Variants in MAGI3 observed in about 807,000 individuals in gnomAD.
MAGI3 encodes membrane associated guanylate kinase, WW and PDZ domain containing 3, also known as membrane-associated guanylate kinase, WW and PDZ domain-containing protein 3.
In MAGI3, 43 loss-of-function variants were observed where a neutral mutation model predicts 121.8. The observed-to-expected ratio is 0.35, with a 90% CI of 0.28 to 0.46. The LOEUF is 0.46. Among genes scored for constraint, MAGI3 ranks in the 20% least tolerant of loss-of-function variants. The pLI, the probability that MAGI3 is intolerant of heterozygous loss-of-function variation, is 1.00. For synonymous variants in MAGI3, 553 were observed against 639.3 expected (o/e 0.86, Z 2.04); for missense variants, 1,547 against 1,797.3 (o/e 0.86, Z 2.52).
Position 113,395,087 on chromosome 1 carries a change from G to GTTTTTTTTTTTTTTTTTTTTTT in MAGI3, c.316+3746_316+3767dup, listed in dbSNP as rs139532433. Reference sequence around the variant, plus strand: ...TCTTATCTCTTGAATCTTTTTGTTAGTTTTTTTTTTTTTTTTTTTTTTTTT... The same window carrying GTTTTTTTTTTTTTTTTTTTTTT: ...TCTTATCTCTTGAATCTTTTTGTTAGTTTTTTTTTTTTTTTTTTTTTTTTTTTTTTTTTTTTTTTTTTTTTTT... On this transcript the variant is annotated intron_variant, in intron 1 of 20. Transcript: ENST00000307546. Among the ~76,000 whole-genome samples the GTTTTTTTTTTTTTTTTTTTTTT allele has an allele frequency of 1.2e-4, 4 of 33,238 alleles. 2 individuals carry two copies. The highest frequency in any genetic ancestry group is 2.0e-4 in the Non-Finnish European group (4 of 19,646). The allele number at this position is 33,238 out of a possible 152,430, so 21.8% of individuals were successfully genotyped here.
chr1:113,669,058 A>C (rs955492654), intron 16 of MAGI3, among the ~76,000 whole-genome samples: 2 of 152,226 alleles, frequency 1.3e-5, no homozygotes, highest in South Asian at 4.1e-4. Flanking sequence ...CCGATAAATT[A>C]TCTCTCTTGA....
intron 10 of MAGI3, 85 bp from the exon 11 acceptor site, chr1:113,643,658 G>T: frequency 7.7e-7 from 1 of 1,300,038 alleles, no homozygotes; most frequent in South Asian, 1.2e-5. Context: ...AAAAGTTGAA[G>T]CTAGTTTTAT....
At chr1:113,392,288 T>C (rs1317628796) in intron 1 of MAGI3, among the ~76,000 whole-genome samples, 3 of 152,148 alleles carry the variant, frequency 2.0e-5, no homozygotes. Flanking sequence ...GGAGAGAGAA[T>C]TGTGATTGTA....
intron 8 of MAGI3, among the ~76,000 whole-genome samples, chr1:113,621,729 A>C (rs937637327): frequency 6.6e-6 from 1 of 150,782 alleles, no homozygotes; most frequent in Non-Finnish European, 1.5e-5. Context: ...TTTTATCTTT[A>C]GTAAGTACAT....
rs373563774 is a variant in MAGI3, at chr1:113,646,606, G to T, written c.2119G>T (p.Val707Phe). Reference sequence around the variant, plus strand: ...ATCCCCAAAATTGGATCCTTCTGAGGTCTACCTGAAATCTAAGACTTTATA... The same window carrying T: ...ATCCCCAAAATTGGATCCTTCTGAGTTCTACCTGAAATCTAAGACTTTATA... Reference protein sequence around the residue: ...SGSPKLDPSEVYLKSKTLYED... With the variant: ...SGSPKLDPSEFYLKSKTLYED... Residue 707 changes from valine to phenylalanine, a missense_variant, in exon 12 of 21, where the codon GTC becomes TTC. Coordinates refer to ENST00000307546, the MANE Select transcript of MAGI3 (RefSeq NM_001142782.2). 6.2e-7 allele frequency: 1 copy of T among 1,610,032 alleles called. No individual in the cohort carries two copies. Among genetic ancestry groups the T allele is most frequent in the Non-Finnish European group, 8.5e-7 (1 of 1,178,160 alleles).
rs758500868 is a variant in MAGI3 at position 113,683,825 on chromosome 1, A to G, written c.4257A>G (p.Val1419=). 3.3e-5 allele frequency: 53 copies of G among 1,611,596 alleles called. No homozygotes were observed. Among genetic ancestry groups the G allele is most frequent in the African/African-American group, 1.7e-4 (13 of 74,990 alleles). The change falls in exon 21 of 21, where the codon GTA becomes GTG. Residue 1419 remains valine (V), a synonymous_variant. Coordinates refer to ENST00000307546, the MANE Select transcript of MAGI3 (RefSeq NM_001142782.2). ...KRLKQEPEEK[V]VSNKTEDHKG... ...TGAAGCAAGAACCTGAAGAGAAGGT[A>G]GTTTCAAACAAAACAGAAGATCACA...
At chr1:113,472,943 T>C (rs1226470775) in intron 1 of MAGI3, among the ~76,000 whole-genome samples, 2 of 152,238 alleles carry the variant, frequency 1.3e-5, no homozygotes, top group South Asian at 4.1e-4. Flanking sequence ...ATAGCTAAGT[T>C]GTTTTAATAC....
At chr1:113,432,481 T>C (rs922769572) in intron 1 of MAGI3, among the ~76,000 whole-genome samples, 5 of 152,174 alleles carry the variant, frequency 3.3e-5, no homozygotes, top group Non-Finnish European at 1.5e-5. Context: ...AAATTTTCAA[T>C]ATAAGGGCAT....
intron 17 of MAGI3, among the ~76,000 whole-genome samples, chr1:113,672,073 T>G (rs1647592241): frequency 6.6e-6 from 1 of 152,188 alleles, no homozygotes; most frequent in Admixed American, 6.5e-5. Context: ...TTATCCAATC[T>G]TGCCTGACAT....
In MAGI3 at chr1:113,422,776, CGGGGGGCATGTTTT is replaced by C. The variant is rs1230648292; in HGVS notation, c.316+31430_316+31443del. ...TGTGGCGAGTGGGGGAGGCATGTTTCGGGGGGCATGTTTTGGCCCAATTGTGTTATAGCTCTTTC... is the reference window on the plus strand; with the variant it reads ...TGTGGCGAGTGGGGGAGGCATGTTTCGGCCCAATTGTGTTATAGCTCTTTC... On this transcript the variant is annotated intron_variant, in intron 1 of 20. Transcript: ENST00000307546. This position sits in a 1 kb window ranked among gnomAD's most constrained non-coding sequence, Gnocchi z 4.3. Among the ~76,000 whole-genome samples, 2 of 152,092 alleles carry C rather than the reference CGGGGGGCATGTTTT, an allele frequency of 1.3e-5. No individual in the cohort carries two copies. The highest frequency in any genetic ancestry group is 2.9e-5 in the Non-Finnish European group (2 of 67,986).
chr1:113,407,207 G>A (rs1346234237), intron 1 of MAGI3, among the ~76,000 whole-genome samples: 3 of 152,110 alleles, frequency 2.0e-5, no homozygotes, highest in Non-Finnish European at 2.9e-5. Context: ...TGTGGAAGGA[G>A]GGCAAGAGTG....
At chr1:113,533,725 A>G (rs568235283) in intron 1 of MAGI3, among the ~76,000 whole-genome samples, 6 of 152,112 alleles carry the variant, frequency 3.9e-5, no homozygotes, top group Non-Finnish European at 8.8e-5. Flanking sequence ...CGTGTCTTTC[A>G]TCACAGAGTT....
chr1:113,510,510 T>C (rs139072163), intron 1 of MAGI3, among the ~76,000 whole-genome samples: 1 of 152,358 alleles, frequency 6.6e-6, no homozygotes, highest in East Asian at 1.9e-4. Context: ...CTTCTGCTAA[T>C]AACTTCATCT....
intron 2 of MAGI3, among the ~76,000 whole-genome samples, chr1:113,575,803 C>T (rs1471445483): frequency 1.3e-5 from 2 of 152,206 alleles, no homozygotes; most frequent in Admixed American, 6.5e-5. Flanking sequence ...TGCCCCTTCC[C>T]CCAGGTGCTC....
chr1:113,391,348 A>C lies in MAGI3; in HGVS notation c.315A>C (p.Pro105=), dbSNP rs1650801497. The stretch of plus-strand genomic sequence containing the variant: ...CCATCCGTCTCAAGACTGTGAAACC[A>C]GGTACGCCGGCCCTGCGTATCTGTC... ...REPIRLKTVK[P]GKVINKDLRH... Residue 105 remains proline, a splice_region_variant and synonymous_variant, in exon 1 of 21, where the codon CCA becomes CCC. Coordinates refer to ENST00000307546, the MANE Select transcript of MAGI3 (RefSeq NM_001142782.2). The surrounding 1 kb of genome is among the most constrained non-coding windows in gnomAD (Gnocchi z 4.4). The C allele has an allele frequency of 1.9e-6, 3 of 1,590,522 alleles. No individual in the cohort carries two copies. The highest frequency in any genetic ancestry group is 2.6e-6 in the Non-Finnish European group (3 of 1,169,496).
In MAGI3 at chr1:113,619,840, C is replaced by A. The variant is rs1367155196; in HGVS notation, c.1171+10C>A. 1 of 1,554,998 alleles carries A rather than the reference C, an allele frequency of 6.4e-7. No homozygotes were observed. The highest frequency in any genetic ancestry group is 8.8e-7 in the Non-Finnish European group (1 of 1,130,506). On this transcript the variant is annotated intron_variant, in intron 8 of 20. Coordinates refer to ENST00000307546, the MANE Select transcript of MAGI3 (RefSeq NM_001142782.2). The stretch of plus-strand genomic sequence containing the variant: ...GGGTCTTCAAAACCAGGTAAGCATT[C>A]TTTTCAATCTTTTCTTCTAAGAATA...
chr1:113,677,812 A>G (rs990744447), intron 19 of MAGI3, among the ~76,000 whole-genome samples: 4 of 151,954 alleles, frequency 2.6e-5, no homozygotes, highest in African/African-American at 9.7e-5. Context: ...CTGAACTTGA[A>G]TCTTTGTTCT....
chr1:113,600,425 A>G (rs1557845119), intron 6 of MAGI3, among the ~76,000 whole-genome samples: 2 of 150,910 alleles, frequency 1.3e-5, no homozygotes, highest in South Asian at 2.1e-4. Context: ...TTATACACCA[A>G]TAACAGACAA....
intron 1 of MAGI3, among the ~76,000 whole-genome samples, chr1:113,505,512 T>TAAATA (rs1553193286): frequency 7.4e-6 from 1 of 135,610 alleles, no homozygotes; most frequent in East Asian, 2.1e-4. Flanking sequence ...GGTCCCTACA[T>TAAATA]AATAAATAAA....
Sources: gnomAD v4.1 joint callset for allele counts (sites outside exome capture counted in the v4.1 genomes callset) on GRCh38, gnomAD v4.1.1 for gene constraint, Gnocchi (gnomAD v3.1) non-coding constraint, MANE v1.5 for transcripts, NCBI Gene and HGNC (gene_info 2026-07-23, HGNC 2026-07-21) for gene names.